The following FAT3 variants were observed in gnomAD, a reference collection of about 807,000 sequenced individuals.
The protein encoded by FAT3 is FAT atypical cadherin 3, also known as protocadherin Fat 3.
Under a neutral mutation model 310.2 loss-of-function variants are expected in FAT3, and 95 were observed. That is an observed-to-expected ratio of 0.31 (90% CI 0.26 to 0.36). FAT3 has a LOEUF of 0.36. FAT3 is among the 10% of genes least tolerant of loss of function. FAT3 has a pLI of 1.00. For missense variants in FAT3, 5,408 were observed against 5,715.6 expected (o/e 0.95, Z 1.74); for synonymous variants, 2,314 against 2,192.9 (o/e 1.06, Z -1.54).
intron 2 of FAT3, among the ~76,000 whole-genome samples, chr11:92,487,908 G>A (rs1029116471): frequency 1.3e-5 from 2 of 152,166 alleles, no homozygotes; most frequent in Admixed American, 6.5e-5. Context: ...CAGACTCTAA[G>A]GTGGCCCCCA....
chr11:92,836,177 T>C (rs1275193418), intron 15 of FAT3, among the ~76,000 whole-genome samples: 1 of 152,100 alleles, frequency 6.6e-6, no homozygotes, highest in Non-Finnish European at 1.5e-5. Context: ...TTCCTTAACA[T>C]GGAAATGCAT....
chr11:92,812,059 C>A (rs1396404811), intron 13 of FAT3, among the ~76,000 whole-genome samples: 3 of 152,146 alleles, frequency 2.0e-5, no homozygotes, highest in African/African-American at 7.2e-5. Context: ...GAGCTGCAAT[C>A]AAATGAATGC....
chr11:92,771,986 C>T (rs1946470645), intron 6 of FAT3, among the ~76,000 whole-genome samples: 1 of 152,066 alleles, frequency 6.6e-6, no homozygotes, highest in Non-Finnish European at 1.5e-5. Context: ...GGAATCTATG[C>T]TTGCTGGTTC....
At chr11:92,292,133 T>C (rs1165445218) in intron 1 of FAT3, among the ~76,000 whole-genome samples, 1 of 151,946 alleles carries the variant, frequency 6.6e-6, no homozygotes, top group Non-Finnish European at 1.5e-5. Flanking sequence ...TCCAAACAAG[T>C]GTATTTATTA....
At chr11:92,266,298 A>T (rs143926176) in intron 1 of FAT3, among the ~76,000 whole-genome samples, 1 of 152,276 alleles carries the variant, frequency 6.6e-6, no homozygotes, top group African/African-American at 2.4e-5. Context: ...AAAGTGTCTA[A>T]ATACCCTCGA....
chr11:92,862,752 G>C (rs1949151136), intron 21 of FAT3, among the ~76,000 whole-genome samples: 1 of 152,184 alleles, frequency 6.6e-6, no homozygotes, highest in Non-Finnish European at 1.5e-5. Flanking sequence ...ACATTTTGTA[G>C]TAATAATAAG....
In FAT3 at chr11:92,892,963, A is replaced by G. The variant is rs1185440765; in HGVS notation, c.*1850A>G. On this transcript the variant is annotated 3_prime_UTR_variant, in exon 28 of 28. Transcript: ENST00000525166. The stretch of plus-strand genomic sequence containing the variant: ...GATTACGGCCGCCTGTGCAGTGGCC[A>G]TGGTAAATATATGCATATTTGCACT... 2 of 152,200 alleles carry G rather than the reference A, an allele frequency of 1.3e-5. No individual in the cohort carries two copies. Among genetic ancestry groups the G allele is most frequent in the South Asian group, 4.1e-4 (2 of 4,834 alleles). The allele number at this position is 152,200 out of a possible 1,614,324, so 9.4% of individuals were successfully genotyped here. A position where few individuals can be genotyped will look rare whatever the true frequency, so the allele number is the denominator to read the frequency against.
intron 21 of FAT3, among the ~76,000 whole-genome samples, chr11:92,864,920 T>C (rs189384980): frequency 1.3e-3 from 192 of 152,322 alleles, no homozygotes; most frequent in Non-Finnish European, 1.1e-3. Flanking sequence ...CAGAGCAAAG[T>C]ATGTATGTTC....
At chr11:92,764,845 G>A in intron 5 of FAT3, 34 bp from the exon 6 acceptor site, 1 of 1,592,134 alleles carries the variant, frequency 6.3e-7, no homozygotes. Flanking sequence ...TCAGAGGTCT[G>A]AGACATCTTT....
Position 92,543,840 on chromosome 11 carries a change from G to C in FAT3, c.3607+18892G>C, listed in dbSNP as rs1435765697. Among the ~76,000 whole-genome samples the C allele has an allele frequency of 6.6e-5, 10 of 152,108 alleles. No individual in the cohort carries two copies. In the East Asian group the frequency reaches 1.9e-3, roughly 29 times the overall value. On this transcript the variant is annotated intron_variant, in intron 3 of 27. Coordinates refer to ENST00000525166, the MANE Select transcript of FAT3 (RefSeq NM_001367949.2). ...TACTCTATGTCAGGCACTGTGTTAG[G>C]CCCTGGAAGCACAAAATGAGTAACA... is the stretch of plus-strand genomic sequence containing the variant.
intron 4 of FAT3, among the ~76,000 whole-genome samples, chr11:92,722,846 G>A (rs946158096): frequency 6.6e-6 from 1 of 152,192 alleles, no homozygotes; most frequent in Non-Finnish European, 1.5e-5. Context: ...TTCAGCCATG[G>A]CTAGGGTGGC....
chr11:92,590,010 C>G (rs920013855), intron 3 of FAT3, among the ~76,000 whole-genome samples: 1 of 152,056 alleles, frequency 6.6e-6, no homozygotes, highest in Admixed American at 6.6e-5. Context: ...AAATTTCTCT[C>G]CTTATAGAAC....
In FAT3 at chr11:92,377,126, C is replaced by A. The variant is rs1949369618; in HGVS notation, c.3292+21722C>A. Among the ~76,000 whole-genome samples the A allele has an allele frequency of 1.3e-5, 2 of 152,194 alleles. 1 individual carries two copies. The highest frequency in any genetic ancestry group is 4.2e-4 in the South Asian group (2 of 4,818). On this transcript the variant is annotated intron_variant, in intron 2 of 27. Transcript: ENST00000525166. ...AAGACTAGGAAGAAATGAGTGAAAC[C>A]CAATACAGGCTCATGCATGGGAACA...
At chr11:92,626,183 T>C (rs2135685149) in intron 3 of FAT3, among the ~76,000 whole-genome samples, 1 of 152,360 alleles carries the variant, frequency 6.6e-6, no homozygotes, top group Admixed American at 6.5e-5. Context: ...TAAGGTTGTT[T>C]TTCTCCTCAG....
chr11:92,305,651 T>A (rs945050249), intron 1 of FAT3, among the ~76,000 whole-genome samples: 5 of 152,102 alleles, frequency 3.3e-5, no homozygotes, highest in African/African-American at 9.7e-5. Flanking sequence ...TGAAAGAACA[T>A]CACTTCTATG....
At chr11:92,420,660 C>T (rs1047650475) in intron 2 of FAT3, among the ~76,000 whole-genome samples, 1 of 152,122 alleles carries the variant, frequency 6.6e-6, no homozygotes, top group Non-Finnish European at 1.5e-5. Context: ...TCTACAGATT[C>T]CAGGACTATG....
chr11:92,786,194 C>T (rs896055159), intron 7 of FAT3, among the ~76,000 whole-genome samples: 5 of 151,884 alleles, frequency 3.3e-5, no homozygotes, highest in Non-Finnish European at 5.9e-5. Context: ...AGAAAACATA[C>T]AAATGCATGT....
intron 13 of FAT3, among the ~76,000 whole-genome samples, chr11:92,817,581 T>G (rs918523956): frequency 1.3e-5 from 2 of 152,154 alleles, no homozygotes; most frequent in African/African-American, 2.4e-5. Context: ...ATGAGAGAGA[T>G]AGCGTCTTGA....
chr11:92,435,568 C>CTT (rs375065009), intron 2 of FAT3, among the ~76,000 whole-genome samples: 22 of 92,662 alleles, frequency 2.4e-4, no homozygotes, highest in South Asian at 3.4e-4. Context: ...TATTCTTTCT[C>CTT]TTTTTTTTTT....
Sources: gnomAD v4.1 joint callset for allele counts (sites outside exome capture counted in the v4.1 genomes callset) on GRCh38, gnomAD v4.1.1 for gene constraint, MANE v1.5 for transcripts, NCBI Gene and HGNC (gene_info 2026-07-23, HGNC 2026-07-21) for gene names.